Variants in B3GALT1 observed in about 807,000 individuals in gnomAD.
B3GALT1 encodes the protein UDP-Gal:betaGlcNAc beta 1,3-galactosyltransferase, polypeptide 1.
Under a neutral mutation model 23.2 loss-of-function variants are expected in B3GALT1, and 10 were observed. The ratio of observed to expected loss-of-function variants is 0.43; its 90% CI spans 0.27 to 0.73. The LOEUF (loss-of-function observed/expected upper bound fraction) is 0.73. B3GALT1 is among the 30% of genes least tolerant of loss of function. B3GALT1 has a pLI of 0.21. For synonymous variants in B3GALT1, 156 were observed against 141.5 expected, an observed-to-expected ratio of 1.10 and a Z score of -0.73; for missense variants, 299 against 405.4, an observed-to-expected ratio of 0.74 and a Z score of 2.25.
intron 3 of B3GALT1, among the ~76,000 whole-genome samples, chr2:167,695,891 C>T (rs1194602472): frequency 6.6e-6 from 1 of 152,108 alleles, no homozygotes; most frequent in East Asian, 1.9e-4. Context: ...GTCTGCATTC[C>T]AACCAGAGGG....
chr2:167,649,123 C>G (rs1354007306), intron 3 of B3GALT1, among the ~76,000 whole-genome samples: 2 of 152,028 alleles, frequency 1.3e-5, no homozygotes, highest in Non-Finnish European at 2.9e-5. Context: ...CTTTACCACC[C>G]CTACTTTATC....
At chr2:167,856,600 G>T (rs1334419614) in intron 4 of B3GALT1, among the ~76,000 whole-genome samples, 2 of 152,160 alleles carry the variant, frequency 1.3e-5, no homozygotes, top group Non-Finnish European at 2.9e-5. Flanking sequence ...TCCAAAGCGG[G>T]AGTGAAAGAA....
intron 2 of B3GALT1, among the ~76,000 whole-genome samples, chr2:167,579,831 G>C (rs1684452658): frequency 6.6e-6 from 1 of 152,014 alleles, no homozygotes; most frequent in South Asian, 2.1e-4. Context: ...TGTCTTTAAA[G>C]TCCCTCACCT....
rs187031689 is a variant in B3GALT1 at position 167,872,581 on chromosome 2, G to C, written c.*2561G>C. On this transcript the variant is annotated 3_prime_UTR_variant, in exon 5 of 5. Coordinates refer to ENST00000392690, the MANE Select transcript of B3GALT1 (RefSeq NM_020981.4). ...AATCAAGCCTCTGTCTCATACTATT[G>C]CCTTGCATCTACCCCATGCTCAGTC... 6 of 152,224 alleles carry C rather than the reference G, an allele frequency of 3.9e-5. No homozygotes were observed. The East Asian group carries it at 9.7e-4, about 24-fold the overall frequency. The allele number at this position is 152,224 out of a possible 1,614,324, so 9.4% of individuals were successfully genotyped here. A position where few individuals can be genotyped will look rare whatever the true frequency, so the allele number is the denominator to read the frequency against.
At chr2:167,513,935 C>G (rs937274554) in intron 2 of B3GALT1, among the ~76,000 whole-genome samples, 5 of 152,024 alleles carry the variant, frequency 3.3e-5, no homozygotes, top group African/African-American at 1.2e-4. Flanking sequence ...GAGACAGAGT[C>G]TCTCTCTGTC....
intron 1 of B3GALT1, among the ~76,000 whole-genome samples, chr2:167,294,840 A>T (rs1574020944): frequency 6.6e-6 from 1 of 152,176 alleles, no homozygotes; most frequent in East Asian, 1.9e-4. Flanking sequence ...CACTAGAGGG[A>T]TCTTTTGTCC....
chr2:167,672,423 G>T (rs1176528801), intron 3 of B3GALT1, among the ~76,000 whole-genome samples: 1 of 152,126 alleles, frequency 6.6e-6, no homozygotes, highest in African/African-American at 2.4e-5. Flanking sequence ...CCCTAAAAAT[G>T]CACAGCCCTA....
intron 2 of B3GALT1, among the ~76,000 whole-genome samples, chr2:167,603,556 G>T (rs779191190): frequency 6.6e-5 from 10 of 152,200 alleles, no homozygotes; most frequent in South Asian, 2.1e-4. Context: ...ACCTCATTAG[G>T]CAGCCTCTTC....
chr2:167,474,429 A>G (rs933737918), intron 1 of B3GALT1, among the ~76,000 whole-genome samples: 3 of 152,292 alleles, frequency 2.0e-5, no homozygotes, highest in Non-Finnish European at 4.4e-5. Context: ...TGATATTAAC[A>G]TCACTTCATT....
intron 3 of B3GALT1, among the ~76,000 whole-genome samples, chr2:167,703,930 C>T (rs1372690312): frequency 2.0e-5 from 3 of 152,018 alleles, no homozygotes; most frequent in African/African-American, 2.4e-5. Context: ...ACCTGTAATC[C>T]CAGCACTTTG....
chr2:167,620,544 T>G (rs1439462533), intron 2 of B3GALT1, among the ~76,000 whole-genome samples: 1 of 152,112 alleles, frequency 6.6e-6, no homozygotes, highest in Non-Finnish European at 1.5e-5. Context: ...TTTGCAAATC[T>G]CATATTTGCA....
chr2:167,836,171 C>T (rs1450230170), intron 4 of B3GALT1, among the ~76,000 whole-genome samples: 1 of 152,220 alleles, frequency 6.6e-6, no homozygotes, highest in Non-Finnish European at 1.5e-5. Flanking sequence ...TGGAACAAAG[C>T]TGGACGGAGA....
chr2:167,422,732 G>A (rs923829874), intron 1 of B3GALT1, among the ~76,000 whole-genome samples: 2 of 152,138 alleles, frequency 1.3e-5, no homozygotes, highest in Non-Finnish European at 2.9e-5. Flanking sequence ...AGCCAAGACT[G>A]ATGTTCTGGA....
chr2:167,806,852 C>G (rs1688766949), intron 3 of B3GALT1, among the ~76,000 whole-genome samples: 1 of 152,146 alleles, frequency 6.6e-6, no homozygotes, highest in Non-Finnish European at 1.5e-5. Context: ...GGAGGATTCC[C>G]TCTTTTTCTA....
intron 2 of B3GALT1, among the ~76,000 whole-genome samples, chr2:167,505,293 G>A (rs1227120): frequency 0.46 from 70,542 of 151,936 alleles, 18,178 homozygotes; most frequent in East Asian, 0.87. Context: ...CTATTAAAAA[G>A]TAATCTTTAA....
chr2:167,594,194 G>A (rs1292815421), intron 2 of B3GALT1, among the ~76,000 whole-genome samples: 1 of 152,192 alleles, frequency 6.6e-6, no homozygotes, highest in Non-Finnish European at 1.5e-5. Context: ...AGGCTACGTA[G>A]TGTAGATGTC....
chr2:167,332,807 A>G (rs142457872), intron 1 of B3GALT1, among the ~76,000 whole-genome samples: 203 of 152,332 alleles, frequency 1.3e-3, no homozygotes, highest in African/African-American at 4.5e-3. Flanking sequence ...CAAATCATCA[A>G]TCTTACTGTT....
At chr2:167,748,840 C>T (rs1687690943) in intron 3 of B3GALT1, among the ~76,000 whole-genome samples, 1 of 152,138 alleles carries the variant, frequency 6.6e-6, no homozygotes, top group African/African-American at 2.4e-5. Context: ...ATCAGCATCT[C>T]TGTCCTTGTG....
intron 1 of B3GALT1, among the ~76,000 whole-genome samples, chr2:167,356,280 A>G (rs1306534667): frequency 6.6e-6 from 1 of 152,196 alleles, no homozygotes; most frequent in East Asian, 1.9e-4. Flanking sequence ...CAAGTAATGA[A>G]AATATAATAG....
Sources: allele counts gnomAD v4.1 joint callset (sites outside exome capture counted in the v4.1 genomes callset), GRCh38; gene constraint gnomAD v4.1.1; transcripts MANE v1.5; gene names NCBI Gene and HGNC (gene_info 2026-07-23, HGNC 2026-07-21).